PEX14: variants seen among roughly 807,000 people sequenced by gnomAD.
PEX14 encodes the protein peroxisomal biogenesis factor 14.
In PEX14, 15 loss-of-function variants were observed where a neutral mutation model predicts 49.5. That is an observed-to-expected ratio of 0.30 (90% CI 0.20 to 0.47). The LOEUF (loss-of-function observed/expected upper bound fraction) is 0.47. PEX14 is among the 20% of genes least tolerant of loss of function. The pLI is 1.00. For missense variants in PEX14, 398 were observed against 494.8 expected (o/e 0.80, Z 1.86); for synonymous variants, 210 against 212.7 (o/e 0.99, Z 0.11).
In PEX14 at chr1:10,495,321, G is replaced by A. The variant is rs551147900; in HGVS notation, c.84G>A (p.Leu28=). The change falls in exon 2 of 9, where the codon CTG becomes CTA. Residue 28 remains leucine, a splice_region_variant and synonymous_variant. Transcript: ENST00000356607. The surrounding 1 kb of genome is among the most constrained non-coding windows in gnomAD (Gnocchi z 4.2). The part of the protein sequence containing the change: ...GSENVLPREP[L]IATAVKFLQN... The stretch of plus-strand genomic sequence containing the variant: ...AAAATGTGCTGCCTCGAGAGCCGCT[G>A]GTAAGTACCCAAGATATGTGGTATC... The A allele has an allele frequency of 3.2e-5, 51 of 1,612,062 alleles. No individual in the cohort carries two copies. The South Asian group carries it at 5.2e-4, about 16-fold the overall frequency.
At position 10,510,392 on chromosome 1, in the gene PEX14, T is replaced by C. The variant is rs371669873; in HGVS notation, c.84+15071T>C. 3.2e-3 allele frequency among the ~76,000 whole-genome samples: 490 copies of C among 152,346 alleles called. 1 individual carries two copies. Among genetic ancestry groups the C allele is most frequent in the Non-Finnish European group, 5.3e-3 (362 of 68,034 alleles). On this transcript the variant is annotated intron_variant, in intron 2 of 8. Coordinates refer to ENST00000356607, the MANE Select transcript of PEX14 (RefSeq NM_004565.3). ...TTTCTGTGCATTTTTGTCTGGTGTG[T>C]CCAAGTAAAGGCAAGTCTTTGTGGG...
At chr1:10,526,290 C>T (rs1557827393) in intron 2 of PEX14, among the ~76,000 whole-genome samples, 1 of 149,378 alleles carries the variant, frequency 6.7e-6, no homozygotes, top group East Asian at 2.0e-4. Flanking sequence ...GGCGTGATAG[C>T]TCGCTGCAGC....
At chr1:10,609,702 T>G (rs1641222847) in intron 4 of PEX14, among the ~76,000 whole-genome samples, 1 of 152,064 alleles carries the variant, frequency 6.6e-6, no homozygotes, top group Non-Finnish European at 1.5e-5. Context: ...CTGGCCAACA[T>G]GGTGAAACCC....
rs1641659804 is a variant in PEX14 at position 10,623,637 on chromosome 1, T to A, written c.487+516T>A. On this transcript the variant is annotated intron_variant, in intron 6 of 8. Coordinates refer to ENST00000356607, the MANE Select transcript of PEX14 (RefSeq NM_004565.3). This position sits in a 1 kb window ranked among gnomAD's most constrained non-coding sequence, Gnocchi z 4.4. ...TCGCGCCAGAGGTGGCTTCTCTTCT[T>A]TATAAACTTGTTTACTAGACGGCAG... Among the ~76,000 whole-genome samples the A allele has an allele frequency of 1.3e-5, 2 of 152,186 alleles. No homozygotes were observed. The highest frequency in any genetic ancestry group is 4.8e-5 in the African/African-American group (2 of 41,444).
intron 1 of PEX14, among the ~76,000 whole-genome samples, chr1:10,480,065 C>A (rs932913498): frequency 6.6e-6 from 1 of 152,050 alleles, no homozygotes; most frequent in Admixed American, 6.6e-5. Flanking sequence ...TGACTGAAAT[C>A]ACAGATGTGA....
intron 4 of PEX14, among the ~76,000 whole-genome samples, chr1:10,615,339 G>A (rs1170186408): frequency 6.6e-6 from 1 of 152,214 alleles, no homozygotes; most frequent in Non-Finnish European, 1.5e-5. Context: ...AGTGACAAGG[G>A]AAAAGAAATC....
At chr1:10,543,401 T>C (rs1639075706) in intron 3 of PEX14, among the ~76,000 whole-genome samples, 1 of 152,156 alleles carries the variant, frequency 6.6e-6, no homozygotes, top group Non-Finnish European at 1.5e-5. Flanking sequence ...CTCAAAGTGC[T>C]GGTATTACAG....
At chr1:10,597,000 T>C (rs1640849127) in intron 3 of PEX14, among the ~76,000 whole-genome samples, 1 of 152,226 alleles carries the variant, frequency 6.6e-6, no homozygotes, top group Admixed American at 6.5e-5. Context: ...ATAGGCTTCA[T>C]AAAAGCTCAG....
chr1:10,536,017 A>G lies in PEX14; in HGVS notation c.85-196A>G, dbSNP rs1014106805. On this transcript the variant is annotated intron_variant, in intron 2 of 8. Transcript: ENST00000356607. The stretch of plus-strand genomic sequence containing the variant: ...GATTAGATTTGACAGACTCAGATAC[A>G]GGAAGCCAGTGAAGACAGGGAAACA... The G allele has an allele frequency of 8.5e-6, 5 of 588,666 alleles. No homozygotes were observed. In the Admixed American group the frequency reaches 9.8e-5, roughly 12 times the overall value. The allele number at this position is 588,666 out of a possible 1,614,324, so 36.5% of individuals were successfully genotyped here. A position where few individuals can be genotyped will look rare whatever the true frequency, so the allele number is the denominator to read the frequency against.
chr1:10,537,132 G>T (rs1164872067), intron 3 of PEX14, among the ~76,000 whole-genome samples: 1 of 152,182 alleles, frequency 6.6e-6, no homozygotes, highest in Non-Finnish European at 1.5e-5. Flanking sequence ...TCCTAGGTCT[G>T]CTCTGTGATG....
intron 5 of PEX14, among the ~76,000 whole-genome samples, chr1:10,620,914 T>C (rs945919538): frequency 2.0e-5 from 3 of 152,172 alleles, no homozygotes; most frequent in Non-Finnish European, 4.4e-5. Flanking sequence ...CCAAGAAGAA[T>C]GTGACACGAA....
intron 3 of PEX14, among the ~76,000 whole-genome samples, chr1:10,561,425 T>C (rs182512804): frequency 2.8e-4 from 42 of 152,364 alleles, no homozygotes; most frequent in Non-Finnish European, 4.8e-4. Context: ...TTTTATATAA[T>C]ATCACACATT....
intron 2 of PEX14, among the ~76,000 whole-genome samples, chr1:10,504,671 A>G (rs1218534299): frequency 1.3e-5 from 2 of 152,204 alleles, no homozygotes; most frequent in Middle Eastern, 3.2e-3. Context: ...TATGGTAGCA[A>G]GGAGTTGCTG....
intron 3 of PEX14, among the ~76,000 whole-genome samples, chr1:10,583,912 C>G (rs1026004418): frequency 1.3e-5 from 2 of 151,702 alleles, no homozygotes; most frequent in South Asian, 4.2e-4. Flanking sequence ...CAGTGAGACA[C>G]GAGGTCACAG....
chr1:10,553,919 T>G (rs897330986), intron 3 of PEX14, among the ~76,000 whole-genome samples: 4 of 152,148 alleles, frequency 2.6e-5, no homozygotes, highest in African/African-American at 9.7e-5. Context: ...TTCCCTGACC[T>G]TGCATGCACC....
At chr1:10,560,452 G>C (rs1639620276) in intron 3 of PEX14, among the ~76,000 whole-genome samples, 1 of 151,980 alleles carries the variant, frequency 6.6e-6, no homozygotes, top group South Asian at 2.1e-4. Context: ...TTTGGAGATG[G>C]GGTCTCACTC....
chr1:10,555,724 A>T, intron 3 of PEX14, among the ~76,000 whole-genome samples: 1 of 151,730 alleles, frequency 6.6e-6, no homozygotes, highest in Non-Finnish European at 1.5e-5. Context: ...AATATCCTGG[A>T]GGTAGATATT....
At chr1:10,599,133 C>G (rs570983675) in intron 3 of PEX14, 105 bp from the exon 4 acceptor site, 19 of 1,172,096 alleles carry the variant, frequency 1.6e-5, no homozygotes, top group Middle Eastern at 1.9e-4. Flanking sequence ...TACTAGGATG[C>G]GAGGCATTCT....
At position 10,610,368 on chromosome 1, in the gene PEX14, TATATAC is replaced by T. The variant is rs1421050188; in HGVS notation, c.299-7962_299-7957del. On this transcript the variant is annotated intron_variant, in intron 4 of 8. Transcript: ENST00000356607. ...ATATATAACTTTACATATATATATA[TATATAC>T]ACACACACACACACACACACACACA... Among the ~76,000 whole-genome samples the T allele has an allele frequency of 6.2e-3, 436 of 70,218 alleles. 5 individuals carry two copies. Among genetic ancestry groups the T allele is most frequent in the African/African-American group, 0.018 (367 of 20,280 alleles). 46.1% of individuals were successfully genotyped at this position (70,218 alleles called of 152,430 possible). A position where few individuals can be genotyped will look rare whatever the true frequency, so the allele number is the denominator to read the frequency against.
Sources: allele counts gnomAD v4.1 joint callset (sites outside exome capture counted in the v4.1 genomes callset), GRCh38; gene constraint gnomAD v4.1.1; non-coding constraint Gnocchi (gnomAD v3.1); transcripts MANE v1.5; gene names NCBI Gene and HGNC (gene_info 2026-07-23, HGNC 2026-07-21).